Variants in NEGR1 observed in about 807,000 individuals in gnomAD.
The protein encoded by NEGR1 is neuronal growth regulator 1, also known as IgLON family member 4.
Under a neutral mutation model 40.9 loss-of-function variants are expected in NEGR1, and 10 were observed. The ratio of observed to expected loss-of-function variants is 0.24; its 90% CI spans 0.15 to 0.42. The LOEUF (loss-of-function observed/expected upper bound fraction) is 0.42. Among genes scored for constraint, NEGR1 ranks in the 10% least tolerant of loss-of-function variants. The pLI is 1.00. For synonymous variants in NEGR1, 185 were observed against 166.8 expected, an observed-to-expected ratio of 1.11 and a Z score of -0.84; for missense variants, 352 against 438.9, an observed-to-expected ratio of 0.80 and a Z score of 1.77.
chr1:71,950,937 T>C (rs936284842), intron 1 of NEGR1, among the ~76,000 whole-genome samples: 1 of 151,946 alleles, frequency 6.6e-6, no homozygotes, highest in Non-Finnish European at 1.5e-5. Context: ...TGAAAGAAAC[T>C]ATCACATTTT....
chr1:72,246,001 A>G (rs1654890680), intron 1 of NEGR1, among the ~76,000 whole-genome samples: 1 of 152,148 alleles, frequency 6.6e-6, no homozygotes, highest in African/African-American at 2.4e-5. Flanking sequence ...TTAATACTCT[A>G]CTAATATTCT....
intron 3 of NEGR1, among the ~76,000 whole-genome samples, chr1:71,708,721 C>G (rs1294257741): frequency 6.6e-6 from 1 of 152,084 alleles, no homozygotes; most frequent in Non-Finnish European, 1.5e-5. Flanking sequence ...AGCCCAGCAT[C>G]CATTAGCTAT....
At chr1:72,080,651 C>G (rs1189982000) in intron 1 of NEGR1, among the ~76,000 whole-genome samples, 1 of 151,844 alleles carries the variant, frequency 6.6e-6, no homozygotes, top group Non-Finnish European at 1.5e-5. Context: ...TATTATACAC[C>G]TGGAGTTGTA....
chr1:71,570,723 C>A (rs1648784543), intron 6 of NEGR1, among the ~76,000 whole-genome samples: 1 of 151,786 alleles, frequency 6.6e-6, no homozygotes, highest in South Asian at 2.1e-4. Flanking sequence ...CATTTCTCTC[C>A]ATAAAGCACA....
chr1:71,916,097 G>A (rs924309902), intron 2 of NEGR1, among the ~76,000 whole-genome samples: 12 of 152,024 alleles, frequency 7.9e-5, no homozygotes, highest in Non-Finnish European at 1.8e-4. Context: ...AGGGGCAGAA[G>A]GATTGTTGCC....
intron 6 of NEGR1, among the ~76,000 whole-genome samples, chr1:71,504,254 A>G (rs1456000944): frequency 6.6e-6 from 1 of 152,056 alleles, no homozygotes; most frequent in African/African-American, 2.4e-5. Context: ...ATAAAATGAG[A>G]AACTGATGGA....
chr1:71,922,987 G>C (rs1038929012), intron 2 of NEGR1, among the ~76,000 whole-genome samples: 1 of 152,116 alleles, frequency 6.6e-6, no homozygotes, highest in Non-Finnish European at 1.5e-5. Context: ...CTTTACTAGT[G>C]TCAACAGGGG....
chr1:72,148,438 C>A (rs982054782), intron 1 of NEGR1, among the ~76,000 whole-genome samples: 4 of 151,948 alleles, frequency 2.6e-5, no homozygotes, highest in Admixed American at 2.0e-4. Context: ...AGCCTAGAGA[C>A]ATTTTCCCCA....
chr1:71,820,930 T>A (rs1415225408), intron 2 of NEGR1, among the ~76,000 whole-genome samples: 1 of 152,048 alleles, frequency 6.6e-6, no homozygotes, highest in African/African-American at 2.4e-5. Flanking sequence ...TTCTGAAAGA[T>A]AACTACAAGC....
At chr1:72,177,636 T>C (rs1305982926) in intron 1 of NEGR1, among the ~76,000 whole-genome samples, 1 of 152,080 alleles carries the variant, frequency 6.6e-6, no homozygotes, top group Non-Finnish European at 1.5e-5. Flanking sequence ...ACATTAATAT[T>C]CTGACCTTTT....
At position 71,534,037 on chromosome 1, in the gene NEGR1, TG is replaced by T. The variant is rs568853200; in HGVS notation, c.940+58779del. Among the ~76,000 whole-genome samples the T allele has an allele frequency of 8.6e-4, 131 of 151,750 alleles. 2 individuals carry two copies. In the South Asian group the frequency reaches 0.025, roughly 30 times the overall value. Reference sequence around the variant, plus strand: ...AAACTTCACACAGCGAGTGTGGCAGTGGGAAGTAAAAGCAAAGATTCTTATG... The same window carrying T: ...AAACTTCACACAGCGAGTGTGGCAGTGGAAGTAAAAGCAAAGATTCTTATG... On this transcript the variant is annotated intron_variant, in intron 6 of 6. Coordinates refer to ENST00000357731, the MANE Select transcript of NEGR1 (RefSeq NM_173808.3).
chr1:71,459,519 T>C (rs1439741459), intron 6 of NEGR1, among the ~76,000 whole-genome samples: 1 of 152,224 alleles, frequency 6.6e-6, no homozygotes, highest in Non-Finnish European at 1.5e-5. Flanking sequence ...TTATTCTTTA[T>C]GTCTTACCTG....
chr1:71,531,817 T>C (rs1369798136), intron 6 of NEGR1, among the ~76,000 whole-genome samples: 1 of 151,494 alleles, frequency 6.6e-6, no homozygotes, highest in Non-Finnish European at 1.5e-5. Context: ...TATATAATCA[T>C]AGACTTGCTC....
At chr1:71,689,254 T>A (rs144557601) in intron 4 of NEGR1, among the ~76,000 whole-genome samples, 1 of 152,138 alleles carries the variant, frequency 6.6e-6, no homozygotes, top group East Asian at 1.9e-4. Flanking sequence ...AGCCAAACAG[T>A]GGCTTTATAC....
chr1:72,155,906 T>C (rs1651339244), intron 1 of NEGR1, among the ~76,000 whole-genome samples: 1 of 152,096 alleles, frequency 6.6e-6, no homozygotes, highest in Non-Finnish European at 1.5e-5. Flanking sequence ...ACAGGAAATA[T>C]GGAGAAAAAG....
chr1:72,079,110 T>TATATATATATATATATATATAA (rs1491542854), intron 1 of NEGR1, among the ~76,000 whole-genome samples: 1 of 143,326 alleles, frequency 7.0e-6, no homozygotes, highest in Non-Finnish European at 1.5e-5. Context: ...TATATATATA[T>TATATATATATATATATATATAA]AATATTATAT....
chr1:71,967,875 A>G (rs1646223367), intron 1 of NEGR1, among the ~76,000 whole-genome samples: 1 of 152,164 alleles, frequency 6.6e-6, no homozygotes, highest in Non-Finnish European at 1.5e-5. Context: ...AGCAGTGCCA[A>G]TATGCAGTAT....
At chr1:72,058,653 G>T (rs1055170993) in intron 1 of NEGR1, among the ~76,000 whole-genome samples, 1 of 151,528 alleles carries the variant, frequency 6.6e-6, no homozygotes, top group Non-Finnish European at 1.5e-5. Context: ...TTAAAGTTTT[G>T]TGTTATTAGG....
intron 1 of NEGR1, among the ~76,000 whole-genome samples, chr1:72,009,319 C>A (rs992085921): frequency 6.6e-6 from 1 of 152,038 alleles, no homozygotes; most frequent in Admixed American, 6.6e-5. Flanking sequence ...TTTCCCTCCA[C>A]GCTTCAGGGA....
Sources: gnomAD v4.1 joint callset for allele counts (sites outside exome capture counted in the v4.1 genomes callset) on GRCh38, gnomAD v4.1.1 for gene constraint, MANE v1.5 for transcripts, NCBI Gene and HGNC (gene_info 2026-07-23, HGNC 2026-07-21) for gene names.